The following SEMA6D variants were observed in gnomAD, a reference collection of about 807,000 sequenced individuals.
SEMA6D encodes the protein semaphorin-6D.
A neutral mutation model predicts 106.6 loss-of-function variants in SEMA6D; 35 were observed. The ratio of observed to expected loss-of-function variants is 0.33; its 90% confidence interval spans 0.25 to 0.44. The LOEUF is 0.44. SEMA6D is among the 20% of genes least tolerant of loss of function. The pLI, the probability that SEMA6D is intolerant of heterozygous loss-of-function variation, is 1.00. For missense variants in SEMA6D, 1,185 were observed against 1,345.9 expected, an observed-to-expected ratio of 0.88 and a Z score of 1.87; for synonymous variants, 499 against 487.7, an observed-to-expected ratio of 1.02 and a Z score of -0.31.
At chr15:47,278,420 A>G (rs1184398570) in intron 1 of SEMA6D, among the ~76,000 whole-genome samples, 2 of 152,244 alleles carry the variant, frequency 1.3e-5, no homozygotes, top group African/African-American at 4.8e-5. Flanking sequence ...TCTTTTGAGA[A>G]GTGTCTGTTG....
intron 1 of SEMA6D, among the ~76,000 whole-genome samples, chr15:47,756,882 C>T (rs532532510): frequency 4.1e-5 from 6 of 147,238 alleles, no homozygotes; most frequent in African/African-American, 1.3e-4. Flanking sequence ...ACTACTATGG[C>T]AAGTCTGAAT....
intron 1 of SEMA6D, chr15:47,397,859 T>C (rs1178395844): frequency 6.6e-6 from 1 of 152,202 alleles, no homozygotes; most frequent in African/African-American, 2.4e-5. Context: ...GAGATTTTTT[T>C]CCTCTGGAAA....
At chr15:47,746,805 G>A (rs899445175) in intron 1 of SEMA6D, among the ~76,000 whole-genome samples, 1 of 152,084 alleles carries the variant, frequency 6.6e-6, no homozygotes, top group East Asian at 1.9e-4. Flanking sequence ...TCCTTTTCCT[G>A]GAGGCTGAAG....
intron 3 of SEMA6D, among the ~76,000 whole-genome samples, chr15:47,560,044 C>T (rs1425261613): frequency 6.6e-6 from 1 of 152,022 alleles, no homozygotes; most frequent in African/African-American, 2.4e-5. Flanking sequence ...GCAGACTTCA[C>T]AGATATAGTC....
intron 1 of SEMA6D, among the ~76,000 whole-genome samples, chr15:47,407,359 ACT>A (rs1225020511): frequency 9.0e-6 from 1 of 111,546 alleles, no homozygotes; most frequent in Non-Finnish European, 1.8e-5. Flanking sequence ...ACAGAGCAAG[ACT>A]CTATCTCAAA....
intron 3 of SEMA6D, among the ~76,000 whole-genome samples, chr15:47,510,710 CTG>C (rs1474786727): frequency 3.3e-5 from 5 of 152,140 alleles, no homozygotes; most frequent in Non-Finnish European, 7.3e-5. Flanking sequence ...AGAGCAGAGA[CTG>C]TGGGTGAGCT....
chr15:47,587,112 G>C (rs2076355585), intron 3 of SEMA6D, among the ~76,000 whole-genome samples: 1 of 152,150 alleles, frequency 6.6e-6, no homozygotes, highest in African/African-American at 2.4e-5. Context: ...ACCTGCTGGA[G>C]GAAGCCTCTT....
chr15:47,542,301 G>A (rs1168529595), intron 3 of SEMA6D, among the ~76,000 whole-genome samples: 1 of 152,146 alleles, frequency 6.6e-6, no homozygotes, highest in Admixed American at 6.6e-5. Context: ...GAGGTATTCT[G>A]GAATATATAA....
At chr15:47,428,083 A>G (rs1325904866) in intron 2 of SEMA6D, among the ~76,000 whole-genome samples, 1 of 152,168 alleles carries the variant, frequency 6.6e-6, no homozygotes, top group Admixed American at 6.6e-5. Context: ...ATGCTTAAAA[A>G]ATGTAAAAAA....
chr15:47,398,206 C>G (rs1390878), intron 1 of SEMA6D, among the ~76,000 whole-genome samples: 1,821 of 152,312 alleles, frequency 0.012, 36 homozygotes, highest in African/African-American at 0.042. Context: ...TTGTTCTCAC[C>G]TATTTAATCA....
At chr15:47,451,383 T>G (rs1447497664) in intron 2 of SEMA6D, among the ~76,000 whole-genome samples, 2 of 151,980 alleles carry the variant, frequency 1.3e-5, no homozygotes, top group Non-Finnish European at 2.9e-5. Flanking sequence ...TGAGGATGCA[T>G]GGACATGGAG....
At position 47,765,778 on chromosome 15, in the gene SEMA6D, T is replaced by G. The variant is rs188576511; in HGVS notation, c.1428-91T>G. 2.4e-3 allele frequency: 3,019 copies of G among 1,240,730 alleles called. 7 individuals are homozygous for G. Among genetic ancestry groups the G allele is most frequent in the Non-Finnish European group, 3.0e-3 (2,788 of 930,304 alleles). 76.9% of individuals were successfully genotyped at this position (1,240,730 alleles called of 1,614,324 possible). On this transcript the variant is annotated intron_variant, in intron 13 of 18. Coordinates refer to ENST00000536845, the MANE Select transcript of SEMA6D (RefSeq NM_001358351.3). ...TTGCCTGGTTTGTTACCAAGAATATTCCTTATGATTTCCCAGGTCTCAGTA... is the reference window on the plus strand; with the variant it reads ...TTGCCTGGTTTGTTACCAAGAATATGCCTTATGATTTCCCAGGTCTCAGTA...
intron 2 of SEMA6D, among the ~76,000 whole-genome samples, chr15:47,468,914 T>G (rs2042744108): frequency 6.6e-6 from 1 of 152,158 alleles, no homozygotes; most frequent in South Asian, 2.1e-4. Flanking sequence ...TATTCCACCC[T>G]GTCTAGACTT....
chr15:47,746,275 T>C (rs778138916), intron 1 of SEMA6D, among the ~76,000 whole-genome samples: 37 of 152,228 alleles, frequency 2.4e-4, no homozygotes, highest in Non-Finnish European at 3.5e-4. Flanking sequence ...TTGCAGAATA[T>C]CAAACCTGAA....
chr15:47,401,796 G>A (rs887043213), intron 1 of SEMA6D, among the ~76,000 whole-genome samples: 1 of 152,154 alleles, frequency 6.6e-6, no homozygotes, highest in Non-Finnish European at 1.5e-5. Context: ...CTGCTTTGAG[G>A]TCTTCTCTTA....
chr15:47,439,301 A>G (rs1496901), intron 2 of SEMA6D, among the ~76,000 whole-genome samples: 33 of 152,104 alleles, frequency 2.2e-4, no homozygotes, highest in African/African-American at 7.5e-4. Flanking sequence ...AGTCAGCTCA[A>G]TTCTATTTTT....
intron 1 of SEMA6D, among the ~76,000 whole-genome samples, chr15:47,270,823 A>T (rs1020790617): frequency 2.7e-5 from 4 of 150,602 alleles, no homozygotes; most frequent in Non-Finnish European, 5.9e-5. Context: ...GTGAAACCCC[A>T]CCTCTACTAA....
intron 1 of SEMA6D, among the ~76,000 whole-genome samples, chr15:47,330,754 T>C (rs770275770): frequency 3.3e-5 from 5 of 152,202 alleles, no homozygotes; most frequent in African/African-American, 4.8e-5. Flanking sequence ...GTAGCCATGA[T>C]TTTTTGGAAA....
chr15:47,284,405 A>G (rs892712507), intron 1 of SEMA6D, among the ~76,000 whole-genome samples: 4 of 152,328 alleles, frequency 2.6e-5, no homozygotes, highest in Middle Eastern at 3.4e-3. Flanking sequence ...AACCACTAAC[A>G]TAAGTTTATT....
Sources: gnomAD v4.1 joint callset for allele counts (sites outside exome capture counted in the v4.1 genomes callset) on GRCh38, gnomAD v4.1.1 for gene constraint, MANE v1.5 for transcripts, NCBI Gene and HGNC (gene_info 2026-07-23, HGNC 2026-07-21) for gene names.